The following PCDH11X variants were observed in gnomAD, a reference collection of about 807,000 sequenced individuals.
The protein encoded by PCDH11X is protocadherin-11 X-linked.
Under a neutral mutation model 53.3 loss-of-function variants are expected in PCDH11X, and 18 were observed. The ratio of observed to expected loss-of-function variants is 0.34; its 90% confidence interval spans 0.23 to 0.50. PCDH11X has a LOEUF of 0.50. PCDH11X is among the 20% of genes least tolerant of loss of function. PCDH11X has a pLI of 0.98. For synonymous variants in PCDH11X, 279 were observed against 393.3 expected (o/e 0.71, Z 3.44); for missense variants, 570 against 1,032.4 (o/e 0.55, Z 6.14).
intron 6 of PCDH11X, among the ~76,000 whole-genome samples, chrX:92,141,907 G>A (rs940764733): frequency 2.7e-5 from 3 of 111,045 alleles, no homozygotes; most frequent in African/African-American, 9.8e-5. Flanking sequence ...TTTTAAGATG[G>A]AACTATTCAC....
At chrX:92,216,297 A>G (rs1490338931) in intron 7 of PCDH11X, among the ~76,000 whole-genome samples, 1 of 110,052 alleles carries the variant, frequency 9.1e-6, no homozygotes, top group African/African-American at 3.3e-5. Flanking sequence ...TAAGTTGAAA[A>G]CTTTGAAAAA....
At position 92,576,011 on chromosome X, in the gene PCDH11X, T is replaced by TATATATAC. The variant is rs1376237034; in HGVS notation, c.3368-42252_3368-42251insTATATACA. On this transcript the variant is annotated intron_variant, in intron 10 of 10. Coordinates refer to ENST00000682573, the MANE Select transcript of PCDH11X (RefSeq NM_032968.5). ...ATATATATATATATATATATATATA[T>TATATATAC]ACACACACACACACACACACACACA... 1.8e-4 allele frequency among the ~76,000 whole-genome samples: 5 copies of TATATATAC among 28,086 alleles called. 1 individual carries two copies. The highest frequency in any genetic ancestry group is 3.4e-4 in the African/African-American group (2 of 5,911). 24.4% of individuals were successfully genotyped at this position (28,086 alleles called of 115,157 possible).
intron 7 of PCDH11X, among the ~76,000 whole-genome samples, chrX:92,250,435 A>G (rs1395607084): frequency 9.2e-6 from 1 of 109,285 alleles, no homozygotes. Flanking sequence ...GAGCAATTCC[A>G]CTCCAAGGTA....
chrX:91,783,828 T>C (rs749783896), intron 1 of PCDH11X, among the ~76,000 whole-genome samples: 40 of 112,575 alleles, frequency 3.6e-4, no homozygotes, highest in Non-Finnish European at 6.8e-4. Context: ...ATCCCTGTAT[T>C]TGTTCACTGA....
chrX:92,003,633 T>C (rs1440215192), intron 6 of PCDH11X, among the ~76,000 whole-genome samples: 2 of 100,024 alleles, frequency 2.0e-5, no homozygotes, highest in Non-Finnish European at 4.0e-5. Flanking sequence ...GTTGTATGTA[T>C]ACATGAATTT....
rs186279612 is a variant in PCDH11X at position 92,537,693 on chromosome X, A to G, written c.3367+69371A>G. 6.6e-3 allele frequency among the ~76,000 whole-genome samples: 693 copies of G among 104,625 alleles called. 5 individuals carry two copies. In the South Asian group the frequency reaches 0.069, roughly 10 times the overall value. The allele number at this position is 104,625 out of a possible 115,157, so 90.9% of individuals were successfully genotyped here. ...CAGACATATAGAACAATGGACCAGAATAGAGAATCAGAAACAAATCCACAT... is the reference window on the plus strand; with the variant it reads ...CAGACATATAGAACAATGGACCAGAGTAGAGAATCAGAAACAAATCCACAT... On this transcript the variant is annotated intron_variant, in intron 10 of 10. Coordinates refer to ENST00000682573, the MANE Select transcript of PCDH11X (RefSeq NM_032968.5).
intron 6 of PCDH11X, among the ~76,000 whole-genome samples, chrX:91,882,196 C>T (rs2571674): frequency 1.8e-5 from 2 of 110,793 alleles, no homozygotes; most frequent in Admixed American, 1.9e-4. Flanking sequence ...CTTTGGCATA[C>T]GTTTCTACAT....
Position 92,410,319 on chromosome X carries a change from T to C in PCDH11X, c.3343+22386T>C, listed in dbSNP as rs1184522231. Among the ~76,000 whole-genome samples, 5 of 105,288 alleles carry C rather than the reference T, an allele frequency of 4.7e-5. No homozygotes were observed. The East Asian group carries it at 8.9e-4, about 19-fold the overall frequency. The allele number at this position is 105,288 out of a possible 115,157, so 91.4% of individuals were successfully genotyped here. On this transcript the variant is annotated intron_variant, in intron 9 of 10. Coordinates refer to ENST00000682573, the MANE Select transcript of PCDH11X (RefSeq NM_032968.5). Reference sequence around the variant, plus strand: ...TTCAGGTATTTAGCTGGAGATAGAGTGAATCACCTTTCTTAGTGCGTACAG... The same window carrying C: ...TTCAGGTATTTAGCTGGAGATAGAGCGAATCACCTTTCTTAGTGCGTACAG...
rs200661487 is a variant in PCDH11X at position 92,280,909 on chromosome X, A to AAAAT, written c.3144+17770_3144+17773dup. 9.7e-3 allele frequency among the ~76,000 whole-genome samples: 1,085 copies of AAAAT among 111,545 alleles called. 21 individuals carry two copies. Among genetic ancestry groups the AAAAT allele is most frequent in the African/African-American group, 0.034 (1,034 of 30,689 alleles). On this transcript the variant is annotated intron_variant, in intron 8 of 10. Coordinates refer to ENST00000682573, the MANE Select transcript of PCDH11X (RefSeq NM_032968.5). ...ACCAAAATAAATCAGTGAGATAGGA[A>AAAAT]AAATAAACATTGTTTTCAGCAAATG...
intron 8 of PCDH11X, among the ~76,000 whole-genome samples, chrX:92,297,207 A>T (rs1018904658): frequency 9.1e-6 from 1 of 110,082 alleles, no homozygotes; most frequent in African/African-American, 3.3e-5. Context: ...TTTCTCTGTT[A>T]TAAAATCTTT....
intron 6 of PCDH11X, among the ~76,000 whole-genome samples, chrX:91,899,665 C>T: frequency 9.0e-6 from 1 of 110,515 alleles, no homozygotes; most frequent in African/African-American, 3.3e-5. Flanking sequence ...CACACCAATC[C>T]CCAACCTAAA....
chrX:92,191,164 C>T (rs17320886), intron 6 of PCDH11X, among the ~76,000 whole-genome samples: 21 of 112,059 alleles, frequency 1.9e-4, no homozygotes, highest in Middle Eastern at 9.3e-3. Context: ...AATATTGTCC[C>T]TTTCCCTAAC....
chrX:92,215,143 C>T (rs1348788329), intron 7 of PCDH11X, among the ~76,000 whole-genome samples: 2 of 111,023 alleles, frequency 1.8e-5, no homozygotes, highest in Non-Finnish European at 3.8e-5. Flanking sequence ...CGGGTGATTT[C>T]TGCATTTCCA....
intron 7 of PCDH11X, among the ~76,000 whole-genome samples, chrX:92,220,759 T>C (rs1251753905): frequency 2.8e-5 from 3 of 107,484 alleles, no homozygotes; most frequent in African/African-American, 1.0e-4. Context: ...GGTATGTTTA[T>C]TGCGGCACTA....
At chrX:92,102,186 T>C (rs1475874565) in intron 6 of PCDH11X, among the ~76,000 whole-genome samples, 2 of 111,272 alleles carry the variant, frequency 1.8e-5, no homozygotes, top group Non-Finnish European at 3.8e-5. Context: ...TGAGTACAGC[T>C]GAAGGAGCCG....
intron 6 of PCDH11X, among the ~76,000 whole-genome samples, chrX:92,175,199 A>G (rs1055881744): frequency 1.8e-5 from 2 of 110,631 alleles, no homozygotes; most frequent in African/African-American, 6.6e-5. Flanking sequence ...CTGGTCTCGA[A>G]CTCCCGACCT....
intron 9 of PCDH11X, among the ~76,000 whole-genome samples, chrX:92,420,840 A>T (rs2071947850): frequency 9.0e-6 from 1 of 111,184 alleles, no homozygotes; most frequent in African/African-American, 3.3e-5. Context: ...TTTCTCATCA[A>T]ATCTGGAAGT....
intron 6 of PCDH11X, among the ~76,000 whole-genome samples, chrX:92,058,693 C>A (rs184927761): frequency 0.033 from 3,684 of 110,253 alleles, 105 homozygotes; most frequent in African/African-American, 0.088. Context: ...TTGATATTGA[C>A]ATTGTATTTC....
intron 7 of PCDH11X, among the ~76,000 whole-genome samples, chrX:92,252,599 C>A (rs138764255): frequency 0.054 from 5,949 of 111,186 alleles, 264 homozygotes; most frequent in East Asian, 0.22. Context: ...TTAGTTAAAT[C>A]TTGACCTTTA....
Sources: gnomAD v4.1 joint callset for allele counts (sites outside exome capture counted in the v4.1 genomes callset) on GRCh38, gnomAD v4.1.1 for gene constraint, MANE v1.5 for transcripts, NCBI Gene and HGNC (gene_info 2026-07-23, HGNC 2026-07-21) for gene names.